Variants in SLC44A5 observed in about 807,000 individuals in gnomAD.
The protein encoded by SLC44A5 is solute carrier family 44 member 5, also known as choline transporter-like protein 5.
Under a neutral mutation model 101.8 loss-of-function variants are expected in SLC44A5, and 57 were observed. The ratio of observed to expected loss-of-function variants is 0.56; its 90% CI spans 0.45 to 0.70. SLC44A5 has a LOEUF of 0.70. Among genes scored for constraint, SLC44A5 ranks in the 30% least tolerant of loss-of-function variants. The pLI is 0.00. For synonymous variants in SLC44A5, 281 were observed against 290.9 expected, an observed-to-expected ratio of 0.97 and a Z score of 0.35; for missense variants, 737 against 853.1, an observed-to-expected ratio of 0.86 and a Z score of 1.70.
intron 3 of SLC44A5, among the ~76,000 whole-genome samples, chr1:75,386,422 A>G (rs1661352230): frequency 6.6e-6 from 1 of 152,164 alleles, no homozygotes. Flanking sequence ...ACAACAGACA[A>G]ACAGAGAGCC....
chr1:75,666,383 T>C, the SLC44A5 span, among the ~76,000 whole-genome samples: 1 of 151,810 alleles, frequency 6.6e-6, no homozygotes, highest in Non-Finnish European at 1.5e-5. Flanking sequence ...GTATTTGACT[T>C]CCCAGAAAGA....
At chr1:75,519,482 C>T (rs189076868) in intron 2 of SLC44A5, among the ~76,000 whole-genome samples, 43 of 152,024 alleles carry the variant, frequency 2.8e-4, no homozygotes, top group Non-Finnish European at 4.7e-4. Flanking sequence ...TGCTTGAACC[C>T]GGGAAGCAGA....
At chr1:75,533,575 C>T (rs944504753) in intron 2 of SLC44A5, among the ~76,000 whole-genome samples, 1 of 152,170 alleles carries the variant, frequency 6.6e-6, no homozygotes, top group African/African-American at 2.4e-5. Flanking sequence ...CAAAACCTTG[C>T]AGGAAGGCCA....
At chr1:75,328,099 C>G (rs1197294636) in intron 4 of SLC44A5, among the ~76,000 whole-genome samples, 1 of 152,246 alleles carries the variant, frequency 6.6e-6, no homozygotes. Flanking sequence ...CTTTCCATCC[C>G]TGCTGGCTTC....
chr1:75,643,241 T>G, the SLC44A5 span, among the ~76,000 whole-genome samples: 1 of 152,160 alleles, frequency 6.6e-6, no homozygotes, highest in East Asian at 1.9e-4. Context: ...ATGAACTGTT[T>G]TAAGATCAAA....
At chr1:75,482,082 A>G (rs1208225619) in intron 2 of SLC44A5, among the ~76,000 whole-genome samples, 2 of 152,134 alleles carry the variant, frequency 1.3e-5, no homozygotes, top group South Asian at 2.1e-4. Flanking sequence ...ATGGAATACT[A>G]TGCAGCCATA....
intron 2 of SLC44A5, among the ~76,000 whole-genome samples, chr1:75,514,002 CT>C (rs1669696521): frequency 6.6e-6 from 1 of 152,004 alleles, no homozygotes; most frequent in African/African-American, 2.4e-5. Flanking sequence ...CCACAGCTGG[CT>C]AATTTAAAAA....
At chr1:75,445,560 T>TATATACATATATATGTATAAAC (rs1557791809) in intron 2 of SLC44A5, among the ~76,000 whole-genome samples, 182 of 148,348 alleles carry the variant, frequency 1.2e-3, no homozygotes, top group Non-Finnish European at 1.6e-3. Context: ...TATGTATAAA[T>TATATACATATATATGTATAAAC]TATATATATA....
intron 3 of SLC44A5, among the ~76,000 whole-genome samples, chr1:75,387,080 C>A (rs911056873): frequency 3.3e-5 from 5 of 152,092 alleles, no homozygotes; most frequent in South Asian, 2.1e-4. Context: ...TAAAGACTTA[C>A]AAGTTAGACC....
intron 2 of SLC44A5, among the ~76,000 whole-genome samples, chr1:75,533,985 C>A (rs1670863081): frequency 6.6e-6 from 1 of 152,118 alleles, no homozygotes; most frequent in Admixed American, 6.5e-5. Context: ...CAGATAATTA[C>A]CCAAGAAGTT....
intron 1 of SLC44A5, among the ~76,000 whole-genome samples, chr1:75,550,580 AG>A (rs961798398): frequency 7.0e-4 from 107 of 152,234 alleles, no homozygotes; most frequent in Middle Eastern, 3.4e-3. Flanking sequence ...TAAAAAAAAA[AG>A]ATCATTATTT....
chr1:75,568,889 T>A (rs1043595392), intron 1 of SLC44A5, among the ~76,000 whole-genome samples: 1 of 152,242 alleles, frequency 6.6e-6, no homozygotes, highest in Non-Finnish European at 1.5e-5. Flanking sequence ...GAATCATTTA[T>A]CACCAATCTC....
chr1:75,222,455 T>G lies in SLC44A5; in HGVS notation c.991A>C (p.Ile331Leu), dbSNP rs1170608880. ...ACAATCACTTCAATGATGCAGAGTA[T>G]TATCACTTTGAACAGGAAAAAAAAA... ...LQQTWFTFMI[I>L]LCIIEVIVIL... The change falls in exon 14 of 24, where the codon ATA (isoleucine) becomes CTA (leucine). Residue 331 changes from isoleucine to leucine, a missense_variant. This residue lies in a region of SLC44A5 where 665 missense variants were observed against 764.4 expected (regional missense o/e 0.87). Coordinates refer to ENST00000370859, the MANE Select transcript of SLC44A5 (RefSeq NM_001130058.2). 2 of 1,607,190 alleles carry G rather than the reference T, an allele frequency of 1.2e-6. No homozygotes were observed. Among genetic ancestry groups the G allele is most frequent in the Non-Finnish European group, 1.7e-6 (2 of 1,174,976 alleles).
chr1:75,281,640 C>G (rs1210324658), intron 5 of SLC44A5, among the ~76,000 whole-genome samples: 2 of 28,918 alleles, frequency 6.9e-5, no homozygotes, highest in African/African-American at 2.4e-4. Context: ...TGCCAGGCCC[C>G]CCCCCCCCCC....
intron 1 of SLC44A5, among the ~76,000 whole-genome samples, chr1:75,601,397 AGAG>A (rs1674974265): frequency 6.6e-6 from 1 of 151,748 alleles, no homozygotes; most frequent in Non-Finnish European, 1.5e-5. Flanking sequence ...CTGGGGGGCT[AGAG>A]GAGGGACAGC....
chr1:75,376,518 G>C (rs1189642486), intron 3 of SLC44A5, among the ~76,000 whole-genome samples: 1 of 152,194 alleles, frequency 6.6e-6, no homozygotes, highest in Non-Finnish European at 1.5e-5. Context: ...TCCTCAAGAG[G>C]GTCCCTAAAC....
At chr1:75,649,666 T>C in the SLC44A5 span, among the ~76,000 whole-genome samples, 1 of 152,314 alleles carries the variant, frequency 6.6e-6, no homozygotes, top group East Asian at 1.9e-4. Flanking sequence ...GTAAATAGAA[T>C]CAGGATCTAT....
chr1:75,373,347 G>A (rs1660353145), intron 3 of SLC44A5, among the ~76,000 whole-genome samples: 1 of 152,038 alleles, frequency 6.6e-6, no homozygotes, highest in African/African-American at 2.4e-5. Context: ...TCCTAAGGAA[G>A]GGGTGAGTAA....
the SLC44A5 span, among the ~76,000 whole-genome samples, chr1:75,704,442 AC>A: frequency 6.6e-6 from 1 of 152,128 alleles, no homozygotes. Flanking sequence ...TATGCAAAAT[AC>A]CGATACCTCA....
Sources: gnomAD v4.1 joint callset for allele counts (sites outside exome capture counted in the v4.1 genomes callset) on GRCh38, gnomAD v4.1.1 for gene constraint, gnomAD v4.1.1 regional missense constraint, MANE v1.5 for transcripts, NCBI Gene and HGNC (gene_info 2026-07-23, HGNC 2026-07-21) for gene names.